The following RAB11FIP4 variants were observed in gnomAD, a reference collection of about 807,000 sequenced individuals.
RAB11FIP4 encodes RAB11 family interacting protein 4.
In RAB11FIP4, 23 loss-of-function variants were observed where a neutral mutation model predicts 74.3. The ratio of observed to expected loss-of-function variants is 0.31; its 90% CI spans 0.22 to 0.44. The LOEUF is 0.44. Ranked by LOEUF, RAB11FIP4 falls within the 20% of genes least tolerant of loss-of-function variation. The pLI is 1.00. For missense variants in RAB11FIP4, 630 were observed against 863.9 expected (o/e 0.73, Z 3.39); for synonymous variants, 360 against 359.9 (o/e 1.00, Z 0.00).
At chr17:31,395,519 A>T (rs563885494) in intron 1 of RAB11FIP4, among the ~76,000 whole-genome samples, 1 of 152,336 alleles carries the variant, frequency 6.6e-6, no homozygotes, top group African/African-American at 2.4e-5. Flanking sequence ...TGATGTGGTG[A>T]GAATAGAACT....
At chr17:31,523,853 TC>T in intron 8 of RAB11FIP4, 39 bp from the exon 9 acceptor site, 2 of 1,483,036 alleles carry the variant, frequency 1.3e-6, no homozygotes, top group Non-Finnish European at 1.9e-6. Flanking sequence ...TTCTGTGGCC[TC>T]AGAGGTCTTC....
In RAB11FIP4 at chr17:31,490,759, GT is replaced by G. The variant is rs1278575739; in HGVS notation, c.337-26890del. Among the ~76,000 whole-genome samples the G allele has an allele frequency of 2.0e-5, 3 of 152,316 alleles. No individual in the cohort carries two copies. The East Asian group carries it at 5.8e-4, about 29-fold the overall frequency. Reference sequence around the variant, plus strand: ...TTTTGTAGAGATGGGGTTTTGCCATGTTGTCCAGGCTGGTCTTAAACTCCTG... The same window carrying G: ...TTTTGTAGAGATGGGGTTTTGCCATGTGTCCAGGCTGGTCTTAAACTCCTG... On this transcript the variant is annotated intron_variant, in intron 3 of 14. Transcript: ENST00000621161.
Position 31,434,045 on chromosome 17 carries a change from C to G in RAB11FIP4, c.259C>G (p.Leu87Val). The change falls in exon 3 of 15, where the codon CTG becomes GTG. Residue 87 changes from leucine (L) to valine (V), a missense_variant. Physicochemically the swap from Leu to Val is conservative, Grantham distance 32. Coordinates refer to ENST00000621161, the MANE Select transcript of RAB11FIP4 (RefSeq NM_032932.6). The part of the protein sequence containing the change: ...GVFAMKGCEE[L>V]LKDVLSVESA... ...GCCTGTCTGCGCAGGGTGCGAGGAG[C>G]TGCTGAAGGATGTGCTGTCGGTGGA... is the stretch of plus-strand genomic sequence containing the variant. 6.3e-7 allele frequency: 1 copy of G among 1,584,380 alleles called. No homozygotes were observed. The highest frequency in any genetic ancestry group is 8.5e-7 in the Non-Finnish European group (1 of 1,173,482).
At chr17:31,469,036 G>GGCACAGAA (rs1360099977) in intron 3 of RAB11FIP4, among the ~76,000 whole-genome samples, 2 of 152,146 alleles carry the variant, frequency 1.3e-5, no homozygotes, top group African/African-American at 4.8e-5. Flanking sequence ...AACAGTGTCT[G>GGCACAGAA]GCACAGAATA....
intron 1 of RAB11FIP4, among the ~76,000 whole-genome samples, chr17:31,421,230 CT>C (rs200767789): frequency 6.6e-6 from 1 of 150,996 alleles, no homozygotes; most frequent in African/African-American, 2.4e-5. Context: ...CTTTTCTTTT[CT>C]TTTTTTTTGA....
At chr17:31,488,133 A>C in intron 3 of RAB11FIP4, 1 of 1,038,842 alleles carries the variant, frequency 9.6e-7, no homozygotes, top group Non-Finnish European at 1.2e-6. Flanking sequence ...TGCGAGCGGC[A>C]GCGGCGCGGC....
intron 3 of RAB11FIP4, among the ~76,000 whole-genome samples, chr17:31,466,391 T>G (rs1243552915): frequency 1.1e-4 from 16 of 152,194 alleles, no homozygotes; most frequent in Admixed American, 1.0e-3. Flanking sequence ...TAGGTGGTGA[T>G]GCCTTCCTCC....
chr17:31,445,530 TTTTATATATATATATATATA>T lies in RAB11FIP4; in HGVS notation c.336+11410_336+11429del, dbSNP rs1193809273. Among the ~76,000 whole-genome samples, 198 of 36,752 alleles carry T rather than the reference TTTTATATATATATATATATA, an allele frequency of 5.4e-3. 13 individuals carry two copies. Among genetic ancestry groups the T allele is most frequent in the East Asian group, 0.015 (14 of 956 alleles). 24.1% of individuals were successfully genotyped at this position (36,752 alleles called of 152,430 possible). A position where few individuals can be genotyped will look rare whatever the true frequency, so the allele number is the denominator to read the frequency against. ...AAAATCTACATTCAAATTTTCCCAA[TTTTATATATATATATATATA>T]TATATATATATATATATATATATAT... On this transcript the variant is annotated intron_variant, in intron 3 of 14. Transcript: ENST00000621161.
chr17:31,392,277 A>T lies in RAB11FIP4; in HGVS notation c.159+266A>T. ...CTGCGCCCACCTTCCTTCCTCGGCCATGCAGGTCCTTCTGAGCGGTCTGCA... is the reference window on the plus strand; with the variant it reads ...CTGCGCCCACCTTCCTTCCTCGGCCTTGCAGGTCCTTCTGAGCGGTCTGCA... On this transcript the variant is annotated intron_variant, in intron 1 of 14. Coordinates refer to ENST00000621161, the MANE Select transcript of RAB11FIP4 (RefSeq NM_032932.6). 4 of 301,556 alleles carry T rather than the reference A, an allele frequency of 1.3e-5. No individual in the cohort carries two copies. In the East Asian group the frequency reaches 2.0e-4, roughly 15 times the overall value. 18.7% of individuals were successfully genotyped at this position (301,556 alleles called of 1,614,324 possible). A position where few individuals can be genotyped will look rare whatever the true frequency, so the allele number is the denominator to read the frequency against.
At chr17:31,473,746 T>A (rs1038617199) in intron 3 of RAB11FIP4, among the ~76,000 whole-genome samples, 2 of 152,164 alleles carry the variant, frequency 1.3e-5, no homozygotes, top group African/African-American at 4.8e-5. Context: ...TTGGTGCGAT[T>A]TGCTCAGCGG....
intron 3 of RAB11FIP4, chr17:31,488,199 C>A: frequency 9.1e-7 from 1 of 1,103,774 alleles, no homozygotes; most frequent in Non-Finnish European, 1.1e-6. Context: ...GCCGCCGACC[C>A]GCGCCCGCTG....
intron 1 of RAB11FIP4, among the ~76,000 whole-genome samples, chr17:31,411,022 G>A (rs749676691): frequency 6.6e-6 from 1 of 152,174 alleles, no homozygotes; most frequent in African/African-American, 2.4e-5. Context: ...GATGGCACAC[G>A]GTTTAATGGA....
chr17:31,464,100 C>T (rs74826255), intron 3 of RAB11FIP4, among the ~76,000 whole-genome samples: 6,114 of 152,046 alleles, frequency 0.04, 182 homozygotes, highest in Non-Finnish European at 0.059. Context: ...AGGCGTGAGC[C>T]GCCGGGCCCA....
chr17:31,522,439 T>C, intron 7 of RAB11FIP4, 44 bp downstream of exon 7: 1 of 1,591,892 alleles, frequency 6.3e-7, no homozygotes, highest in South Asian at 1.1e-5. Flanking sequence ...GCTGTCCCCA[T>C]GCTGCCCACT....
chr17:31,463,648 CA>C (rs1230094233), intron 3 of RAB11FIP4, among the ~76,000 whole-genome samples: 1 of 151,894 alleles, frequency 6.6e-6, no homozygotes, highest in Non-Finnish European at 1.5e-5. Context: ...GGATTACAGG[CA>C]CCTGCCACCA....
chr17:31,454,766 C>T (rs931589466), intron 3 of RAB11FIP4, among the ~76,000 whole-genome samples: 1 of 152,110 alleles, frequency 6.6e-6, no homozygotes, highest in Non-Finnish European at 1.5e-5. Flanking sequence ...TGCCTGTAGT[C>T]CCAGCTACTC....
intron 1 of RAB11FIP4, among the ~76,000 whole-genome samples, chr17:31,430,352 ATTTTTTTT>A (rs56078412): frequency 7.2e-5 from 8 of 111,776 alleles, no homozygotes; most frequent in Non-Finnish European, 1.4e-4. Flanking sequence ...TGGAGTTTGG[ATTTTTTTT>A]TTTTTTTTTT....
intron 3 of RAB11FIP4, among the ~76,000 whole-genome samples, chr17:31,502,075 T>G (rs2072232034): frequency 6.6e-6 from 1 of 151,938 alleles, no homozygotes; most frequent in Admixed American, 6.6e-5. Context: ...AATACAAAAA[T>G]TAGCCAGGCG....
intron 1 of RAB11FIP4, among the ~76,000 whole-genome samples, chr17:31,423,837 A>C (rs1197594990): frequency 6.6e-6 from 1 of 151,996 alleles, no homozygotes; most frequent in Non-Finnish European, 1.5e-5. Context: ...ATGCCGCCCT[A>C]TCCAGCTTCC....
Sources: allele counts gnomAD v4.1 joint callset (sites outside exome capture counted in the v4.1 genomes callset), GRCh38; gene constraint gnomAD v4.1.1; transcripts MANE v1.5; gene names NCBI Gene and HGNC (gene_info 2026-07-23, HGNC 2026-07-21).